The following SERPINH1 variants were observed in gnomAD, a reference collection of about 807,000 sequenced individuals.
The protein encoded by SERPINH1 is serpin family H member 1, also known as serpin H1.
Under a neutral mutation model 32.3 loss-of-function variants are expected in SERPINH1, and 22 were observed. That is an observed-to-expected ratio of 0.68 (90% CI 0.49 to 0.97). SERPINH1 has a LOEUF of 0.97. Ranked by LOEUF, SERPINH1 falls within the 50% of genes least tolerant of loss-of-function variation. The pLI is 0.00. For missense variants in SERPINH1, 543 were observed against 576.4 expected (o/e 0.94, Z 0.59); for synonymous variants, 251 against 245.9 (o/e 1.02, Z -0.19).
chr11:75,564,763 C>T (rs589203), intron 1 of SERPINH1, among the ~76,000 whole-genome samples: 50,356 of 151,922 alleles, frequency 0.33, 8,581 homozygotes, highest in South Asian at 0.48. Context: ...CTCCCCACCT[C>T]CCTCCCCTTG....
Position 75,566,682 on chromosome 11 carries a change from G to A in SERPINH1, c.333G>A (p.Leu111=). The part of the protein sequence containing the change: ...QLRDEEVHAG[L]GELLRSLSNS... ...GCGACGAGGAGGTGCACGCCGGCCT[G>A]GGCGAGCTGCTGCGCTCACTCAGCA... The change falls in exon 2 of 5, where the codon CTG becomes CTA. Residue 111 remains leucine (L), a synonymous_variant. Transcript: ENST00000358171. 2 of 1,609,574 alleles carry A rather than the reference G, an allele frequency of 1.2e-6. No individual in the cohort carries two copies. Among genetic ancestry groups the A allele is most frequent in the South Asian group, 1.1e-5 (1 of 90,724 alleles).
In SERPINH1 at chr11:75,566,746, C is replaced by T. The variant is rs753347871; in HGVS notation, c.397C>T (p.Arg133Ter). 1.2e-6 allele frequency: 2 copies of T among 1,613,150 alleles called. No individual in the cohort carries two copies. The highest frequency in any genetic ancestry group is 1.7e-6 in the Non-Finnish European group (2 of 1,179,910). The part of the protein sequence containing the change: ...ARNVTWKLGS[R>*]LYGPSSVSFA... Reference sequence around the variant, plus strand: ...CAACGTGACCTGGAAGCTGGGCAGCCGACTGTACGGACCCAGCTCAGTGAG... The same window carrying T: ...CAACGTGACCTGGAAGCTGGGCAGCTGACTGTACGGACCCAGCTCAGTGAG... The change falls in exon 2 of 5, where the codon CGA becomes TGA. Residue 133 changes from arginine to a stop codon, truncating the protein, a stop_gained. Coordinates refer to ENST00000358171, the MANE Select transcript of SERPINH1 (RefSeq NM_001235.5). LOFTEE classifies it high-confidence loss of function.
In SERPINH1 at chr11:75,566,922, C is replaced by T; in HGVS notation, c.573C>T (p.Asp191=). The change falls in exon 2 of 5, where the codon GAC becomes GAT. Residue 191 remains aspartate, a synonymous_variant. Coordinates refer to ENST00000358171, the MANE Select transcript of SERPINH1 (RefSeq NM_001235.5). ...TDGKLPEVTK[D]VERTDGALLV... ...GCAAGCTGCCCGAGGTCACCAAGGACGTGGAGCGCACGGACGGCGCCCTGC... is the reference window on the plus strand; with the variant it reads ...GCAAGCTGCCCGAGGTCACCAAGGATGTGGAGCGCACGGACGGCGCCCTGC... The T allele has an allele frequency of 6.2e-7, 1 of 1,606,376 alleles. No homozygotes were observed. Among genetic ancestry groups the T allele is most frequent in the Non-Finnish European group, 8.5e-7 (1 of 1,179,808 alleles).
At chr11:75,571,098 T>G (rs1942188426) in intron 4 of SERPINH1, among the ~76,000 whole-genome samples, 1 of 152,118 alleles carries the variant, frequency 6.6e-6, no homozygotes, top group Admixed American at 6.5e-5. Flanking sequence ...TGTGTGTGTA[T>G]GTGTGTATAT....
Position 75,568,711 on chromosome 11 carries a change from G to C in SERPINH1, c.623-20G>C, listed in dbSNP as rs764336626. ...GGGGCGGCCATGTGTCTCTGACCCT[G>C]TGTTTTGCCCCAACTACAGCACACT... On this transcript the variant is annotated intron_variant, in intron 2 of 4. Transcript: ENST00000358171. 1 of 1,576,024 alleles carries C rather than the reference G, an allele frequency of 6.3e-7. No homozygotes were observed.
Position 75,569,029 on chromosome 11 carries a change from T to C in SERPINH1, c.812T>C (p.Met271Thr). ...AHKLSSLIIL[M>T]PHHVEPLERL... is the part of the protein sequence containing the mutation. The stretch of plus-strand genomic sequence containing the variant: ...AAGCTCTCCAGCCTCATCATCCTCA[T>C]GCCCCATCACGTGGAGCCTCTCGAG... The change falls in exon 4 of 5, where the codon ATG becomes ACG. Residue 271 changes from methionine (M) to threonine (T), a missense_variant. Around this residue, in one of 3 missense-constraint regions of SERPINH1, gnomAD observed 427 missense variants for 446.4 expected, o/e 0.96. Coordinates refer to ENST00000358171, the MANE Select transcript of SERPINH1 (RefSeq NM_001235.5). 3.1e-6 allele frequency: 5 copies of C among 1,614,206 alleles called. No individual in the cohort carries two copies. Among genetic ancestry groups the C allele is most frequent in the Non-Finnish European group, 4.2e-6 (5 of 1,180,026 alleles).
At position 75,566,291 on chromosome 11, in the gene SERPINH1, C is replaced by T. The variant is rs527873690; in HGVS notation, c.-34-25C>T. On this transcript the variant is annotated intron_variant, in intron 1 of 4. Coordinates refer to ENST00000358171, the MANE Select transcript of SERPINH1 (RefSeq NM_001235.5). ...GGAGGAAGGCCTTGGGCTTCAAGACCACCCTGTCTGTGCAATCCTCACAGG... is the reference window on the plus strand; with the variant it reads ...GGAGGAAGGCCTTGGGCTTCAAGACTACCCTGTCTGTGCAATCCTCACAGG... The T allele has an allele frequency of 1.3e-5, 20 of 1,572,580 alleles. 1 individual carries two copies. In the South Asian group the frequency reaches 1.8e-4, roughly 14 times the overall value.
Position 75,572,125 on chromosome 11 carries a change from C to T in SERPINH1, c.*42C>T. On this transcript the variant is annotated 3_prime_UTR_variant, in exon 5 of 5. Coordinates refer to ENST00000358171, the MANE Select transcript of SERPINH1 (RefSeq NM_001235.5). ...CAGGATGGCAGGAGGCATCCAAAGG[C>T]TCCTGAGACACATGGGTGCTATTGG... 1 of 1,592,452 alleles carries T rather than the reference C, an allele frequency of 6.3e-7. No individual in the cohort carries two copies. Among genetic ancestry groups the T allele is most frequent in the South Asian group, 1.1e-5 (1 of 90,318 alleles).
intron 2 of SERPINH1, among the ~76,000 whole-genome samples, 191 bp downstream of exon 2, chr11:75,567,162 AGGAAT>A (rs1942105906): frequency 1.3e-5 from 2 of 152,324 alleles, no homozygotes; most frequent in East Asian, 3.9e-4. Context: ...CAGCGTGTAA[AGGAAT>A]GGTTCAGGGA....
rs1941991539 is a variant in SERPINH1, at chr11:75,562,270, G to T, written c.-84G>T. 1 of 152,260 alleles carries T rather than the reference G, an allele frequency of 6.6e-6. No individual in the cohort carries two copies. The highest frequency in any genetic ancestry group is 2.1e-4 in the South Asian group (1 of 4,832). The allele number at this position is 152,260 out of a possible 1,614,324, so 9.4% of individuals were successfully genotyped here. A position where few individuals can be genotyped will look rare whatever the true frequency, so the allele number is the denominator to read the frequency against. ...AGCGGGCTAAGAGTAGAATCGTGTC[G>T]CGGCTCGAGAGCGAGAGTCACGTCC... On this transcript the variant is annotated 5_prime_UTR_variant, in exon 1 of 5. Transcript: ENST00000358171.
intron 4 of SERPINH1, among the ~76,000 whole-genome samples, chr11:75,571,515 G>A (rs1171496818): frequency 6.6e-6 from 1 of 152,236 alleles, no homozygotes; most frequent in Non-Finnish European, 1.5e-5. Flanking sequence ...CTGCAGCTGG[G>A]CAGTGCCGGG....
Position 75,566,951 on chromosome 11 carries a change from T to A in SERPINH1, c.602T>A (p.Val201Asp). The A allele has an allele frequency of 3.1e-6, 5 of 1,600,170 alleles. No individual in the cohort carries two copies. The highest frequency in any genetic ancestry group is 4.2e-6 in the Non-Finnish European group (5 of 1,178,646). The change falls in exon 2 of 5, where the codon GTC becomes GAC. Residue 201 changes from valine to aspartate, a missense_variant. This residue lies in a region of SERPINH1 where 427 missense variants were observed against 446.4 expected (regional missense o/e 0.96). Coordinates refer to ENST00000358171, the MANE Select transcript of SERPINH1 (RefSeq NM_001235.5). ...GAGCGCACGGACGGCGCCCTGCTAG[T>A]CAACGCCATGTTCTTCAAGCGTGAG... ...DVERTDGALL[V>D]NAMFFKPHWD...
chr11:75,570,200 T>C (rs1420780969), intron 4 of SERPINH1, among the ~76,000 whole-genome samples: 1 of 152,200 alleles, frequency 6.6e-6, no homozygotes, highest in Non-Finnish European at 1.5e-5. Flanking sequence ...GAAACTTTCG[T>C]GTCATTCTTT....
In SERPINH1 at chr11:75,569,227, T is replaced by G. The variant is rs143305212; in HGVS notation, c.954+56T>G. The G allele has an allele frequency of 3.0e-3, 3,947 of 1,318,654 alleles. 74 individuals are homozygous for G. The highest frequency in any genetic ancestry group is 0.028 in the East Asian group (1,120 of 39,914). 81.7% of individuals were successfully genotyped at this position (1,318,654 alleles called of 1,614,324 possible). On this transcript the variant is annotated intron_variant, in intron 4 of 4. Transcript: ENST00000358171. Reference sequence around the variant, plus strand: ...GGCCTTGGAGCCAGGGGGAGGTGCTTGGGGGACCCACTCACCAATTCAGCA... The same window carrying G: ...GGCCTTGGAGCCAGGGGGAGGTGCTGGGGGGACCCACTCACCAATTCAGCA...
Position 75,572,282 on chromosome 11 carries a change from T to A in SERPINH1, c.*199T>A, listed in dbSNP as rs1166865706. 1.6e-6 allele frequency: 1 copy of A among 640,034 alleles called. No individual in the cohort carries two copies. The highest frequency in any genetic ancestry group is 1.8e-5 in the South Asian group (1 of 56,392). 39.6% of individuals were successfully genotyped at this position (640,034 alleles called of 1,614,324 possible). On this transcript the variant is annotated 3_prime_UTR_variant, in exon 5 of 5. Coordinates refer to ENST00000358171, the MANE Select transcript of SERPINH1 (RefSeq NM_001235.5). ...ACTCCACTTGGACATGGGCCCCAGATACCATGATGCTGAGCCCGGAAACTC... is the reference window on the plus strand; with the variant it reads ...ACTCCACTTGGACATGGGCCCCAGAAACCATGATGCTGAGCCCGGAAACTC...
In SERPINH1 at chr11:75,566,387, T is replaced by C. The variant is rs767726256; in HGVS notation, c.38T>C (p.Leu13Pro). The stretch of plus-strand genomic sequence containing the variant: ...CTGCTTCTCAGCGCCTTCTGCCTCC[T>C]GGAGGCGGCCCTGGCCGCCGAGGTG... ...SLLLLSAFCL[L>P]EAALAAEVKK... Residue 13 changes from leucine to proline, a missense_variant, in exon 2 of 5, where the codon CTG becomes CCG. Leu to Pro is a moderately conservative substitution (Grantham distance 98, BLOSUM62 -3). Around this residue, in one of 3 missense-constraint regions of SERPINH1, gnomAD observed 109 missense variants for 102.4 expected, o/e 1.06. Transcript: ENST00000358171. The C allele has an allele frequency of 6.2e-7, 1 of 1,610,520 alleles. No individual in the cohort carries two copies. Among genetic ancestry groups the C allele is most frequent in the Non-Finnish European group, 8.5e-7 (1 of 1,179,158 alleles).
intron 1 of SERPINH1, chr11:75,563,646 T>G (rs1178722467): frequency 6.5e-6 from 1 of 152,784 alleles, no homozygotes; most frequent in African/African-American, 2.4e-5. Context: ...TGGGGACTGG[T>G]TGTGCCCTCT....
rs147740415 is a variant in SERPINH1, at chr11:75,569,132, C to T, written c.915C>T (p.Ser305=). The T allele has an allele frequency of 8.9e-5, 143 of 1,613,498 alleles. 1 individual carries two copies. The African/African-American group carries it at 1.7e-3, about 19-fold the overall frequency. Residue 305 remains serine (S), a synonymous_variant, in exon 4 of 5, where the codon TCC becomes TCT. Transcript: ENST00000358171. The part of the protein sequence containing the change: ...GKMQKKAVAI[S]LPKGVVEVTH... ...TGCAGAAGAAGGCTGTTGCCATCTC[C>T]TTGCCCAAGGGTGTGGTGGAGGTGA...
chr11:75,569,075 C>T lies in SERPINH1; in HGVS notation c.858C>T (p.Thr286=). The T allele has an allele frequency of 6.2e-7, 1 of 1,614,210 alleles. No individual in the cohort carries two copies. Among genetic ancestry groups the T allele is most frequent in the Non-Finnish European group, 8.5e-7 (1 of 1,180,026 alleles). The part of the protein sequence containing the change: ...EPLERLEKLL[T]KEQLKIWMGK... ...TCGAGCGCCTTGAAAAGCTGCTAAC[C>T]AAAGAGCAGCTGAAGATCTGGATGG... is the stretch of plus-strand genomic sequence containing the variant. The change falls in exon 4 of 5, where the codon ACC becomes ACT. Residue 286 remains threonine, a synonymous_variant. Coordinates refer to ENST00000358171, the MANE Select transcript of SERPINH1 (RefSeq NM_001235.5).
Sources: gnomAD v4.1 joint callset for allele counts (sites outside exome capture counted in the v4.1 genomes callset) on GRCh38, gnomAD v4.1.1 for gene constraint, gnomAD v4.1.1 regional missense constraint, MANE v1.5 for transcripts, NCBI Gene and HGNC (gene_info 2026-07-23, HGNC 2026-07-21) for gene names.